The following PHF24 variants were observed in gnomAD, a reference collection of about 807,000 sequenced individuals.
PHF24 encodes the protein Galpha inhibitory interacting protein.
Under a neutral mutation model 42.6 loss-of-function variants are expected in PHF24, and 25 were observed. The ratio of observed to expected loss-of-function variants is 0.59; its 90% confidence interval spans 0.43 to 0.82. The LOEUF is 0.82. Among genes scored for constraint, PHF24 ranks in the 40% least tolerant of loss-of-function variants. The probability of loss-of-function intolerance (pLI) is 0.00; values close to 1 mark genes in which losing one functional copy is unlikely to be tolerated. For missense variants in PHF24, 470 were observed against 538.1 expected (o/e 0.87, Z 1.25); for synonymous variants, 185 against 204.8 (o/e 0.90, Z 0.83).
At chr9:34,915,771 G>A in the PHF24 span, among the ~76,000 whole-genome samples, 20 of 152,328 alleles carry the variant, frequency 1.3e-4, no homozygotes, top group African/African-American at 4.6e-4. Flanking sequence ...AAGATTTGAT[G>A]ATTGGATTCG....
the PHF24 span, among the ~76,000 whole-genome samples, chr9:34,904,995 C>T: frequency 6.6e-6 from 1 of 151,888 alleles, no homozygotes; most frequent in Admixed American, 6.6e-5. Context: ...AGAGAATGCC[C>T]TGACCAGCAG....
chr9:34,813,158 T>G, the PHF24 span, among the ~76,000 whole-genome samples: 1 of 152,190 alleles, frequency 6.6e-6, no homozygotes, highest in African/African-American at 2.4e-5. Flanking sequence ...ATTTCCCAGA[T>G]GCCTTTTTCT....
chr9:34,814,198 C>G, the PHF24 span, among the ~76,000 whole-genome samples: 2 of 152,084 alleles, frequency 1.3e-5, no homozygotes, highest in Admixed American at 6.5e-5. Context: ...CTTTTTAACC[C>G]AAGTGTCTTT....
chr9:34,867,162 G>C, the PHF24 span, among the ~76,000 whole-genome samples: 1 of 152,200 alleles, frequency 6.6e-6, no homozygotes, highest in Non-Finnish European at 1.5e-5. Context: ...AACAGTTAAA[G>C]AACATCACAC....
chr9:34,819,107 C>A, the PHF24 span, among the ~76,000 whole-genome samples: 3 of 152,006 alleles, frequency 2.0e-5, no homozygotes, highest in African/African-American at 7.2e-5. Flanking sequence ...TATTCCTTTT[C>A]TCATTGTAAT....
At chr9:34,797,088 A>G in the PHF24 span, among the ~76,000 whole-genome samples, 1 of 152,196 alleles carries the variant, frequency 6.6e-6, no homozygotes, top group Non-Finnish European at 1.5e-5. Context: ...TTGCAACAGG[A>G]TAGCTTCCCT....
chr9:34,796,673 A>G, the PHF24 span, among the ~76,000 whole-genome samples: 1 of 152,266 alleles, frequency 6.6e-6, no homozygotes, highest in African/African-American at 2.4e-5. Flanking sequence ...AGTACTAGCA[A>G]GAAAGCAGCG....
At chr9:34,981,190 T>C (rs934943430) in exon 8 of PHF24, 3 of 152,282 alleles carry the variant, frequency 2.0e-5, no homozygotes, top group Admixed American at 2.0e-4. Flanking sequence ...CTTTCTGCCC[T>C]CAGCCCAAGT....
the PHF24 span, chr9:34,833,040 G>A: frequency 6.4e-7 from 1 of 1,551,338 alleles, no homozygotes; most frequent in Non-Finnish European, 8.7e-7. Flanking sequence ...TTGTTTGGAA[G>A]CATCCCTGCT....
the PHF24 span, among the ~76,000 whole-genome samples, chr9:34,699,725 T>C: frequency 1.3e-5 from 2 of 152,224 alleles, no homozygotes; most frequent in African/African-American, 2.4e-5. Flanking sequence ...TACACATTCA[T>C]TCAATAAATA....
At chr9:34,760,654 A>G in the PHF24 span, among the ~76,000 whole-genome samples, 1 of 152,202 alleles carries the variant, frequency 6.6e-6, no homozygotes, top group Admixed American at 6.5e-5. Flanking sequence ...AGAGGGCAGC[A>G]CGCCCCCACC....
the PHF24 span, among the ~76,000 whole-genome samples, chr9:34,808,963 A>G: frequency 5.9e-5 from 9 of 151,816 alleles, no homozygotes; most frequent in Non-Finnish European, 8.8e-5. Context: ...GGTACAGCGC[A>G]CCAGCATGTC....
the PHF24 span, among the ~76,000 whole-genome samples, chr9:34,741,252 C>G: frequency 6.6e-6 from 1 of 152,022 alleles, no homozygotes; most frequent in Non-Finnish European, 1.5e-5. Flanking sequence ...ATATATAGAT[C>G]ATTAAGGGCT....
chr9:34,823,649 G>T, the PHF24 span, among the ~76,000 whole-genome samples: 1 of 152,074 alleles, frequency 6.6e-6, no homozygotes, highest in Non-Finnish European at 1.5e-5. Context: ...CCAAAGGAAA[G>T]GGGGGAAGCT....
At chr9:34,792,151 G>A in the PHF24 span, among the ~76,000 whole-genome samples, 8,247 of 152,232 alleles carry the variant, frequency 0.054, 735 homozygotes, top group African/African-American at 0.19. Context: ...ATAGGGAGTA[G>A]TATCTCAGCA....
chr9:34,788,188 C>T, the PHF24 span, among the ~76,000 whole-genome samples: 2 of 152,074 alleles, frequency 1.3e-5, no homozygotes, highest in African/African-American at 4.8e-5. Context: ...CAGGTGTGCA[C>T]CACTGAGCCT....
chr9:34,687,878 A>G, the PHF24 span, among the ~76,000 whole-genome samples: 6 of 152,338 alleles, frequency 3.9e-5, no homozygotes, highest in African/African-American at 1.4e-4. Flanking sequence ...GATGGATGAA[A>G]GAATGGCTGG....
the PHF24 span, among the ~76,000 whole-genome samples, chr9:34,870,082 G>A: frequency 6.6e-6 from 1 of 151,698 alleles, no homozygotes; most frequent in African/African-American, 2.4e-5. Flanking sequence ...GCAGTTTTAG[G>A]TTCACAGTAA....
chr9:34,717,648 A>G, the PHF24 span, among the ~76,000 whole-genome samples: 1 of 152,236 alleles, frequency 6.6e-6, no homozygotes, highest in Non-Finnish European at 1.5e-5. Context: ...GACAAGCAAT[A>G]GGACAGAAAC....
Sources: allele counts gnomAD v4.1 joint callset (sites outside exome capture counted in the v4.1 genomes callset), GRCh38; gene constraint gnomAD v4.1.1; transcripts MANE v1.5; gene names NCBI Gene and HGNC (gene_info 2026-07-23, HGNC 2026-07-21).